PBX1: variants seen among roughly 807,000 people sequenced by gnomAD.
PBX1 encodes PBX homeobox 1, also known as pre-B-cell leukemia transcription factor 1.
In PBX1, 6 loss-of-function variants were observed where a neutral mutation model predicts 53.4. That is an observed-to-expected ratio of 0.11 (90% CI 0.06 to 0.22). PBX1 has a LOEUF of 0.22. PBX1 is among the 10% of genes least tolerant of loss of function. The pLI is 1.00. For missense variants in PBX1, 251 were observed against 551.4 expected (o/e 0.46, Z 5.46); for synonymous variants, 204 against 212.3 (o/e 0.96, Z 0.34).
At chr1:164,731,479 G>C (rs1489079301) in intron 2 of PBX1, among the ~76,000 whole-genome samples, 1 of 152,178 alleles carries the variant, frequency 6.6e-6, no homozygotes, top group East Asian at 1.9e-4. Context: ...CCCTCATATT[G>C]TGGCAGCAGG....
chr1:164,824,116 G>C (rs1670300901), intron 8 of PBX1, among the ~76,000 whole-genome samples: 1 of 152,124 alleles, frequency 6.6e-6, no homozygotes, highest in Admixed American at 6.6e-5. Context: ...GCTGGGCTCT[G>C]GATTGTGTTT....
At chr1:164,656,388 T>G (rs1296825986) in intron 2 of PBX1, among the ~76,000 whole-genome samples, 1 of 152,222 alleles carries the variant, frequency 6.6e-6, no homozygotes. Flanking sequence ...AGAAATTTTT[T>G]GTCTTAATTT....
At chr1:164,637,320 A>G (rs1228468928) in intron 2 of PBX1, among the ~76,000 whole-genome samples, 1 of 152,210 alleles carries the variant, frequency 6.6e-6, no homozygotes, top group African/African-American at 2.4e-5. Flanking sequence ...TTGAAAAGTT[A>G]ACATATTAAA....
At position 164,657,274 on chromosome 1, in the gene PBX1, G is replaced by A. The variant is rs552871301; in HGVS notation, c.265+93963G>A. On this transcript the variant is annotated intron_variant, in intron 2 of 8. Transcript: ENST00000420696. The stretch of plus-strand genomic sequence containing the variant: ...AATTGAACATTTTTAGGATGTAGAA[G>A]ATGCATCATACATTGGTATCTATTC... 6 of 152,292 alleles carry A rather than the reference G, an allele frequency of 3.9e-5. No homozygotes were observed. In the South Asian group the frequency reaches 1.0e-3, roughly 26 times the overall value. 9.4% of individuals were successfully genotyped at this position (152,292 alleles called of 1,614,324 possible).
At chr1:164,712,177 T>TA (rs35903765) in intron 2 of PBX1, among the ~76,000 whole-genome samples, 26,728 of 128,948 alleles carry the variant, frequency 0.21, 3,101 homozygotes, top group South Asian at 0.29. Context: ...AAGAAGAGAT[T>TA]AAAAAAAAAA....
At chr1:164,668,724 C>T (rs1203261436) in intron 2 of PBX1, among the ~76,000 whole-genome samples, 4 of 152,230 alleles carry the variant, frequency 2.6e-5, no homozygotes, top group East Asian at 3.9e-4. Context: ...CTGCCAGGAC[C>T]GGCTCCTCGC....
intron 2 of PBX1, among the ~76,000 whole-genome samples, chr1:164,751,273 C>T (rs949483295): frequency 6.7e-6 from 1 of 149,690 alleles, no homozygotes; most frequent in African/African-American, 2.5e-5. Flanking sequence ...TGAGATCACG[C>T]CACTGCACTC....
At chr1:164,702,513 T>TTGG (rs1371800935) in intron 2 of PBX1, among the ~76,000 whole-genome samples, 1 of 152,196 alleles carries the variant, frequency 6.6e-6, no homozygotes, top group Non-Finnish European at 1.5e-5. Context: ...CAAGGTGGGC[T>TTGG]TCAGTGTGAG....
chr1:164,793,296 A>G (rs1042548001), intron 3 of PBX1, among the ~76,000 whole-genome samples: 9 of 152,152 alleles, frequency 5.9e-5, no homozygotes, highest in African/African-American at 1.7e-4. Flanking sequence ...TACATAATAT[A>G]TGGTATGGAA....
chr1:164,617,850 G>A (rs1158854448), intron 2 of PBX1, among the ~76,000 whole-genome samples: 1 of 143,438 alleles, frequency 7.0e-6, no homozygotes, highest in African/African-American at 2.6e-5. Context: ...TCTCCTTTCA[G>A]CAGGCTCTAT....
At chr1:164,797,665 T>G (rs1668855244) in intron 3 of PBX1, among the ~76,000 whole-genome samples, 1 of 152,178 alleles carries the variant, frequency 6.6e-6, no homozygotes, top group Non-Finnish European at 1.5e-5. Context: ...GAAATTGAAC[T>G]CTGGAGAAGT....
At position 164,847,773 on chromosome 1, in the gene PBX1, A is replaced by G. The variant is rs895945449; in HGVS notation, c.*1097A>G. On this transcript the variant is annotated 3_prime_UTR_variant, in exon 9 of 9. Coordinates refer to ENST00000420696, the MANE Select transcript of PBX1 (RefSeq NM_002585.4). ...GACTCTAAGTGAAGGTCACTGACAC[A>G]GAGAAGCAGTATGTGTCTGGGGCTT... 55 of 1,052,664 alleles carry G rather than the reference A, an allele frequency of 5.2e-5. No homozygotes were observed. Among genetic ancestry groups the G allele is most frequent in the Non-Finnish European group, 1.0e-5 (9 of 871,502 alleles). 65.2% of individuals were successfully genotyped at this position (1,052,664 alleles called of 1,614,324 possible).
At chr1:164,599,239 T>C (rs973435944) in intron 2 of PBX1, among the ~76,000 whole-genome samples, 1 of 151,572 alleles carries the variant, frequency 6.6e-6, no homozygotes, top group Non-Finnish European at 1.5e-5. Context: ...TGTGTAATTC[T>C]TTTTTTTTAA....
intron 2 of PBX1, among the ~76,000 whole-genome samples, chr1:164,660,930 G>A (rs1297989733): frequency 6.6e-6 from 1 of 152,096 alleles, no homozygotes; most frequent in African/African-American, 2.4e-5. Flanking sequence ...CCTTACTGGT[G>A]GAGCCAAGCA....
chr1:164,560,981 T>C (rs905843792), intron 1 of PBX1, among the ~76,000 whole-genome samples: 4 of 152,240 alleles, frequency 2.6e-5, no homozygotes. Flanking sequence ...GCCAGGTATA[T>C]GGTTCTCTAC....
chr1:164,848,036 G>A lies in PBX1; in HGVS notation c.*1360G>A. The A allele has an allele frequency of 9.5e-7, 1 of 1,050,080 alleles. No individual in the cohort carries two copies. The highest frequency in any genetic ancestry group is 1.1e-6 in the Non-Finnish European group (1 of 869,718). 65.0% of individuals were successfully genotyped at this position (1,050,080 alleles called of 1,614,324 possible). The stretch of plus-strand genomic sequence containing the variant: ...AATGTTATACCACACTATGTTCTTG[G>A]TCCTGACCTATTGCTCTGGAGGAAA... On this transcript the variant is annotated 3_prime_UTR_variant, in exon 9 of 9. Coordinates refer to ENST00000420696, the MANE Select transcript of PBX1 (RefSeq NM_002585.4).
chr1:164,814,365 G>A (rs1307855327), intron 6 of PBX1: 1 of 152,126 alleles, frequency 6.6e-6, no homozygotes, highest in South Asian at 2.1e-4. Context: ...TAGAACCTAG[G>A]AACTTTTCAT....
chr1:164,850,780 A>G lies in PBX1; in HGVS notation c.*4104A>G, dbSNP rs1223606356. 3.4e-5 allele frequency: 7 copies of G among 206,476 alleles called. No homozygotes were observed. Among genetic ancestry groups the G allele is most frequent in the Non-Finnish European group, 6.9e-5 (7 of 101,036 alleles). The allele number at this position is 206,476 out of a possible 1,614,324, so 12.8% of individuals were successfully genotyped here. A position where few individuals can be genotyped will look rare whatever the true frequency, so the allele number is the denominator to read the frequency against. On this transcript the variant is annotated 3_prime_UTR_variant, in exon 9 of 9. Transcript: ENST00000420696. Reference sequence around the variant, plus strand: ...ACATACTTCTCCTTTTAGCCTTTTAAAAATTCAAAAACGTTTAGTCCAAGG... The same window carrying G: ...ACATACTTCTCCTTTTAGCCTTTTAGAAATTCAAAAACGTTTAGTCCAAGG...
At chr1:164,879,403 G>A (rs1263576574) in intron 2 of PBX1, among the ~76,000 whole-genome samples, 1 of 152,190 alleles carries the variant, frequency 6.6e-6, no homozygotes, top group African/African-American at 2.4e-5. Flanking sequence ...TAGGCATGAA[G>A]GGAAGGTTGG....
Sources: gnomAD v4.1 joint callset for allele counts (sites outside exome capture counted in the v4.1 genomes callset) on GRCh38, gnomAD v4.1.1 for gene constraint, MANE v1.5 for transcripts, NCBI Gene and HGNC (gene_info 2026-07-23, HGNC 2026-07-21) for gene names.